ZNF2: variants seen among roughly 807,000 people sequenced by gnomAD.
The protein encoded by ZNF2 is zinc finger protein 2.2.
ZNF2 carries 12 observed loss-of-function variants against 21.9 expected under a neutral mutation model. That is an observed-to-expected ratio of 0.55 (90% CI 0.35 to 0.89). The LOEUF (loss-of-function observed/expected upper bound fraction) is 0.89, where lower values mean the gene tolerates loss of function less well. Ranked by LOEUF, ZNF2 falls within the 40% of genes least tolerant of loss-of-function variation. ZNF2 has a pLI of 0.01. For synonymous variants in ZNF2, 186 were observed against 196.3 expected (o/e 0.95, Z 0.44); for missense variants, 462 against 544.2 (o/e 0.85, Z 1.50).
Position 95,181,090 on chromosome 2 carries a change from CTGTT to C in ZNF2, c.275-8_275-5del, listed in dbSNP as rs780240483. ...CCAGGAAAAAAACTGCATCTGTTTT[CTGTT>C]TGTTCCAGACTGGGAAACTAAGCCT... On this transcript the variant is annotated splice_polypyrimidine_tract_variant and intron_variant, in intron 4 of 4. Transcript: ENST00000614034. 881 of 1,604,794 alleles carry C rather than the reference CTGTT, an allele frequency of 5.5e-4. No individual in the cohort carries two copies. The highest frequency in any genetic ancestry group is 7.1e-4 in the Non-Finnish European group (840 of 1,176,232).
intron 3 of ZNF2, among the ~76,000 whole-genome samples, chr2:95,179,170 T>G (rs1674551395): frequency 6.6e-6 from 1 of 152,086 alleles, no homozygotes. Context: ...TTTTGTATTT[T>G]TAGTAGAGAC....
intron 1 of ZNF2, among the ~76,000 whole-genome samples, chr2:95,168,499 C>T (rs1192057063): frequency 1.3e-5 from 2 of 152,158 alleles, no homozygotes; most frequent in South Asian, 2.1e-4. Context: ...ACAGTGGAAC[C>T]CAGGGTATAG....
intron 1 of ZNF2, among the ~76,000 whole-genome samples, chr2:95,172,375 A>G (rs563818864): frequency 6.6e-6 from 1 of 152,304 alleles, no homozygotes; most frequent in African/African-American, 2.4e-5. Flanking sequence ...TTCTAGGAAT[A>G]GCAGTCTCAG....
At chr2:95,170,886 T>C (rs1674245884) in intron 1 of ZNF2, among the ~76,000 whole-genome samples, 1 of 152,302 alleles carries the variant, frequency 6.6e-6, no homozygotes, top group Admixed American at 6.5e-5. Context: ...GTATCTAGAA[T>C]TACCTGGTTT....
In ZNF2 at chr2:95,177,537, C is replaced by A. The variant is rs553405260; in HGVS notation, c.88C>A (p.Arg30Ser). Residue 30 changes from arginine to serine, a missense_variant, in exon 3 of 5, where the codon CGT becomes AGT. Coordinates refer to ENST00000614034, the MANE Select transcript of ZNF2 (RefSeq NM_021088.4). ...AVVFTDEEWS[R>S]LVPIQRDLYK... ...GGTTTTCACAGATGAAGAGTGGAGT[C>A]GTCTGGTCCCCATACAGAGGGACCT... The A allele has an allele frequency of 1.2e-5, 20 of 1,613,962 alleles. No individual in the cohort carries two copies. In the South Asian group the frequency reaches 1.8e-4, roughly 14 times the overall value.
chr2:95,178,333 T>C (rs1295261073), intron 3 of ZNF2, among the ~76,000 whole-genome samples: 2 of 152,140 alleles, frequency 1.3e-5, no homozygotes, highest in South Asian at 2.1e-4. Flanking sequence ...AGGAGTCACA[T>C]TGCAGATTTC....
rs533292149 is a variant in ZNF2, at chr2:95,178,898, C to G, written c.161-1261C>G. 5.9e-5 allele frequency among the ~76,000 whole-genome samples: 9 copies of G among 151,458 alleles called. No individual in the cohort carries two copies. The East Asian group carries it at 1.4e-3, about 23-fold the overall frequency. The stretch of plus-strand genomic sequence containing the variant: ...ATTACAATGGTGAGGTAGATCAGTA[C>G]TGATATAAATAAAATGGTATTTTAA... On this transcript the variant is annotated intron_variant, in intron 3 of 4. Coordinates refer to ENST00000614034, the MANE Select transcript of ZNF2 (RefSeq NM_021088.4).
At chr2:95,180,374 T>C in intron 4 of ZNF2, 102 bp downstream of exon 4, 1 of 745,602 alleles carries the variant, frequency 1.3e-6, no homozygotes, top group Non-Finnish European at 2.2e-6. Flanking sequence ...AATTCAAGTC[T>C]TCTGCTTTAT....
At chr2:95,181,063 G>T in intron 4 of ZNF2, 40 bp from the exon 5 acceptor site, 1 of 1,592,366 alleles carries the variant, frequency 6.3e-7, no homozygotes. Flanking sequence ...ATATTTCCTA[G>T]CCCAGGAAAA....
rs761092352 is a variant in ZNF2 at position 95,183,613 on chromosome 2, ATTTTTTTTTTTTTT to A, written c.*1517_*1530del. The A allele has an allele frequency of 1.1e-5, 1 of 87,200 alleles. No homozygotes were observed. 5.4% of individuals were successfully genotyped at this position (87,200 alleles called of 1,614,324 possible). ...TCTTCTCTTCCCTGGGCCCAGTCCT[ATTTTTTTTTTTTTT>A]TTTTTTTTTGTGAGACAGAGTCTCA... On this transcript the variant is annotated 3_prime_UTR_variant, in exon 5 of 5. Transcript: ENST00000614034.
chr2:95,181,331 C>A lies in ZNF2; in HGVS notation c.503C>A (p.Thr168Asn). 6.2e-7 allele frequency: 1 copy of A among 1,614,200 alleles called. No homozygotes were observed. Among genetic ancestry groups the A allele is most frequent in the East Asian group, 2.2e-5 (1 of 44,882 alleles). Residue 168 changes from threonine to asparagine, a missense_variant, in exon 5 of 5, where the codon ACT (threonine) becomes AAT (asparagine). Physicochemically the swap from Thr to Asn is moderately conservative, Grantham distance 65. Transcript: ENST00000614034. Reference protein sequence around the residue: ...RRSALSREILTKERHQECSDC... With the variant: ...RRSALSREILNKERHQECSDC... ...TCAGCCCTGTCCAGGGAAATTCTCACTAAAGAGAGACACCAGGAATGCAGT... is the reference window on the plus strand; with the variant it reads ...TCAGCCCTGTCCAGGGAAATTCTCAATAAAGAGAGACACCAGGAATGCAGT...
chr2:95,169,640 C>T (rs1202406236), intron 1 of ZNF2, among the ~76,000 whole-genome samples: 1 of 152,126 alleles, frequency 6.6e-6, no homozygotes, highest in East Asian at 1.9e-4. Context: ...ATCCCAGCTA[C>T]TCAGGAGGCT....
intron 1 of ZNF2, among the ~76,000 whole-genome samples, chr2:95,171,472 T>A (rs1417659603): frequency 1.3e-5 from 2 of 148,684 alleles, no homozygotes; most frequent in African/African-American, 5.0e-5. Flanking sequence ...AACCTTTGCC[T>A]CCCGGGTTTG....
At chr2:95,177,648 T>C (rs1422498983) in intron 3 of ZNF2, 39 bp downstream of exon 3, 1 of 1,588,224 alleles carries the variant, frequency 6.3e-7, no homozygotes, top group South Asian at 1.1e-5. Context: ...GTCTGTACTA[T>C]GCTAATGTGG....
intron 1 of ZNF2, among the ~76,000 whole-genome samples, chr2:95,168,117 G>T (rs1039671691): frequency 4.0e-5 from 6 of 150,664 alleles, no homozygotes; most frequent in African/African-American, 1.5e-4. Flanking sequence ...GGTGGAAAAT[G>T]CTGGAAGAAA....
chr2:95,177,513 G>C lies in ZNF2; in HGVS notation c.64G>C (p.Val22Leu). The change falls in exon 3 of 5, where the codon GTT (valine) becomes CTT (leucine). Residue 22 changes from valine (V) to leucine (L), a missense_variant. Physicochemically the swap from Val to Leu is conservative, Grantham distance 32. Transcript: ENST00000614034. ...ESVTFEDVAVVFTDEEWSRLV... is the reference protein window; with the variant it reads ...ESVTFEDVAVLFTDEEWSRLV... Reference sequence around the variant, plus strand: ...AGTGACATTCGAAGACGTTGCCGTGGTTTTCACAGATGAAGAGTGGAGTCG... The same window carrying C: ...AGTGACATTCGAAGACGTTGCCGTGCTTTTCACAGATGAAGAGTGGAGTCG... The C allele has an allele frequency of 6.2e-7, 1 of 1,614,158 alleles. No homozygotes were observed.
intron 1 of ZNF2, among the ~76,000 whole-genome samples, chr2:95,167,246 G>A (rs1287829207): frequency 6.6e-6 from 1 of 152,236 alleles, no homozygotes; most frequent in African/African-American, 2.4e-5. Flanking sequence ...GCTCACGCCT[G>A]TAAGTCCCAG....
rs1674618688 is a variant in ZNF2 at position 95,180,999 on chromosome 2, A to G, written c.275-104A>G. The G allele has an allele frequency of 8.8e-6, 12 of 1,363,498 alleles. No individual in the cohort carries two copies. In the South Asian group the frequency reaches 1.2e-4, roughly 14 times the overall value. 84.5% of individuals were successfully genotyped at this position (1,363,498 alleles called of 1,614,324 possible). A position where few individuals can be genotyped will look rare whatever the true frequency, so the allele number is the denominator to read the frequency against. ...GTAAGACTATCTATGGGAGCAAGCAATGCAGTGACCATACATTACTTTCAG... is the reference window on the plus strand; with the variant it reads ...GTAAGACTATCTATGGGAGCAAGCAGTGCAGTGACCATACATTACTTTCAG... On this transcript the variant is annotated intron_variant, in intron 4 of 4. Coordinates refer to ENST00000614034, the MANE Select transcript of ZNF2 (RefSeq NM_021088.4).
rs1004279258 is a variant in ZNF2, at chr2:95,182,187, T to G, written c.*81T>G. ...CGCCTGTCTTAAAGCTGCCATTTGCTCATTCTACCCACTCTGGCTGCCGTT... is the reference window on the plus strand; with the variant it reads ...CGCCTGTCTTAAAGCTGCCATTTGCGCATTCTACCCACTCTGGCTGCCGTT... On this transcript the variant is annotated 3_prime_UTR_variant, in exon 5 of 5. Transcript: ENST00000614034. 44 of 1,505,290 alleles carry G rather than the reference T, an allele frequency of 2.9e-5. No individual in the cohort carries two copies. In the African/African-American group the frequency reaches 6.1e-4, roughly 21 times the overall value. The allele number at this position is 1,505,290 out of a possible 1,614,324, so 93.2% of individuals were successfully genotyped here.
Sources: allele counts gnomAD v4.1 joint callset (sites outside exome capture counted in the v4.1 genomes callset), GRCh38; gene constraint gnomAD v4.1.1; transcripts MANE v1.5; gene names NCBI Gene and HGNC (gene_info 2026-07-23, HGNC 2026-07-21).